Variants in TBX15 observed in about 807,000 individuals in gnomAD.
TBX15 encodes T-box transcription factor TBX15.
TBX15 carries 18 observed loss-of-function variants against 53.9 expected under a neutral mutation model. The ratio of observed to expected loss-of-function variants is 0.33; its 90% CI spans 0.23 to 0.49. TBX15 has a LOEUF of 0.49. Ranked by LOEUF, TBX15 falls within the 20% of genes least tolerant of loss-of-function variation. The pLI is 0.98. For synonymous variants in TBX15, 295 were observed against 278.0 expected (o/e 1.06, Z -0.61); for missense variants, 692 against 749.5 (o/e 0.92, Z 0.90).
At chr1:118,965,233 G>A (rs1349025276) in intron 1 of TBX15, among the ~76,000 whole-genome samples, 1 of 152,188 alleles carries the variant, frequency 6.6e-6, no homozygotes, top group Non-Finnish European at 1.5e-5. Context: ...AGGGAAGCCT[G>A]AGATATCAAA....
Position 118,987,975 on chromosome 1 carries a change from G to T in TBX15, c.-180C>A. 1 of 764,010 alleles carries T rather than the reference G, an allele frequency of 1.3e-6. No individual in the cohort carries two copies. The highest frequency in any genetic ancestry group is 2.1e-6 in the Non-Finnish European group (1 of 486,770). 47.3% of individuals were successfully genotyped at this position (764,010 alleles called of 1,614,324 possible). On this transcript the variant is annotated 5_prime_UTR_variant, in exon 1 of 8. Coordinates refer to ENST00000369429, the MANE Select transcript of TBX15 (RefSeq NM_001330677.2). ...CCTGCGTCCTCCTCCGCCCTCCTCT[G>T]CCGGATCCGACCTGCGCCCCTACGC... is the stretch of plus-strand genomic sequence containing the variant.
rs549697147 is a variant in TBX15, at chr1:118,943,124, C to T, written c.206-11292G>A. On this transcript the variant is annotated intron_variant, in intron 1 of 7. Coordinates refer to ENST00000369429, the MANE Select transcript of TBX15 (RefSeq NM_001330677.2). ...GATACCATGTGTCTCAGTGAAGCCCCTGGCGCACAATAGGAATATACTTAA... is the reference window on the plus strand; with the variant it reads ...GATACCATGTGTCTCAGTGAAGCCCTTGGCGCACAATAGGAATATACTTAA... Among the ~76,000 whole-genome samples the T allele has an allele frequency of 3.9e-5, 6 of 152,304 alleles. No homozygotes were observed. In the East Asian group the frequency reaches 1.2e-3, roughly 29 times the overall value.
intron 1 of TBX15, among the ~76,000 whole-genome samples, chr1:118,933,642 G>A (rs1306771631): frequency 6.6e-6 from 1 of 151,976 alleles, no homozygotes; most frequent in Non-Finnish European, 1.5e-5. Context: ...TGATTCTATA[G>A]GCCTTTCAGT....
chr1:118,967,415 T>A (rs1657066452), intron 1 of TBX15, among the ~76,000 whole-genome samples: 1 of 152,180 alleles, frequency 6.6e-6, no homozygotes, highest in Non-Finnish European at 1.5e-5. Flanking sequence ...AGCAGCATAA[T>A]TAGGCAATAT....
chr1:118,902,070 C>T (rs957810024), intron 6 of TBX15, among the ~76,000 whole-genome samples: 13 of 151,958 alleles, frequency 8.6e-5, no homozygotes, highest in African/African-American at 3.1e-4. Context: ...TCCTACATAG[C>T]ATATATATAA....
intron 7 of TBX15, among the ~76,000 whole-genome samples, chr1:118,887,477 C>T (rs1017046928): frequency 6.6e-6 from 1 of 152,114 alleles, no homozygotes; most frequent in African/African-American, 2.4e-5. Context: ...GAGTTCAAAA[C>T]CAGCCTGGCC....
chr1:118,926,152 C>G (rs1345973335), intron 3 of TBX15, among the ~76,000 whole-genome samples: 1 of 152,184 alleles, frequency 6.6e-6, no homozygotes, highest in Non-Finnish European at 1.5e-5. Flanking sequence ...TGTTCCACCT[C>G]TCCTTCCTCT....
At chr1:118,976,047 T>C (rs1306892011) in intron 1 of TBX15, among the ~76,000 whole-genome samples, 1 of 152,080 alleles carries the variant, frequency 6.6e-6, no homozygotes, top group Non-Finnish European at 1.5e-5. Context: ...CAGGAAATAA[T>C]ATAAACAAAG....
chr1:118,931,742 G>T lies in TBX15; in HGVS notation c.296C>A (p.Ala99Asp), dbSNP rs1655788991. The change falls in exon 2 of 8, where the codon GCT (alanine) becomes GAT (aspartate). Residue 99 changes from alanine to aspartate, a missense_variant. Transcript: ENST00000369429. ...CATGGCAGCAGGCACAGGGCCTGCA[G>T]CACCAGAGGCCAGGTCAGTGTGAGT... The part of the protein sequence containing the change: ...FSTHTDLASG[A>D]AGPVPAAMSS... 1 of 1,613,646 alleles carries T rather than the reference G, an allele frequency of 6.2e-7. No homozygotes were observed. The highest frequency in any genetic ancestry group is 1.3e-5 in the African/African-American group (1 of 74,926).
At position 118,923,479 on chromosome 1, in the gene TBX15, G is replaced by C; in HGVS notation, c.818C>G (p.Pro273Arg). 6.2e-7 allele frequency: 1 copy of C among 1,613,938 alleles called. No homozygotes were observed. The highest frequency in any genetic ancestry group is 1.1e-5 in the South Asian group (1 of 91,076). The change falls in exon 5 of 8, where the codon CCT becomes CGT. Residue 273 changes from proline (P) to arginine (R), a missense_variant. Physicochemically the swap from Pro to Arg is moderately radical, Grantham distance 103. Coordinates refer to ENST00000369429, the MANE Select transcript of TBX15 (RefSeq NM_001330677.2). ...VGDGVKTFNFPETVFTTVTAY... is the reference protein window; with the variant it reads ...VGDGVKTFNFRETVFTTVTAY... ...CGTAACTGTGGTGAACACAGTCTCA[G>C]GAAAGTTGAACGTTTTCACCCCATC... is the stretch of plus-strand genomic sequence containing the variant.
chr1:118,904,911 T>C (rs1654761331), intron 6 of TBX15, among the ~76,000 whole-genome samples: 1 of 152,204 alleles, frequency 6.6e-6, no homozygotes, highest in Non-Finnish European at 1.5e-5. Context: ...CCAAGTTATA[T>C]AACCTCTTCA....
chr1:118,926,429 A>T, intron 3 of TBX15, 81 bp downstream of exon 3: 1 of 1,264,790 alleles, frequency 7.9e-7, no homozygotes, highest in Non-Finnish European at 1.1e-6. Context: ...GCATTGCTAA[A>T]CTATTTCCTC....
chr1:118,947,101 T>C (rs2101648204), intron 1 of TBX15, among the ~76,000 whole-genome samples: 1 of 152,324 alleles, frequency 6.6e-6, no homozygotes, highest in East Asian at 1.9e-4. Context: ...TCTAAGGCAA[T>C]GTCTGCATCT....
intron 1 of TBX15, among the ~76,000 whole-genome samples, chr1:118,955,816 G>A (rs1479765100): frequency 1.3e-5 from 2 of 152,172 alleles, no homozygotes; most frequent in African/African-American, 4.8e-5. Flanking sequence ...TCTTCCCTAT[G>A]TGTGCCTCAT....
chr1:118,913,986 T>C, intron 6 of TBX15, 129 bp downstream of exon 6: 1 of 882,146 alleles, frequency 1.1e-6, no homozygotes. Flanking sequence ...CCATTTCTCT[T>C]TGCCGAAGTG....
Position 118,987,817 on chromosome 1 carries a change from C to T in TBX15, c.-22G>A, listed in dbSNP as rs1381697007. 3.2e-6 allele frequency: 5 copies of T among 1,546,834 alleles called. No individual in the cohort carries two copies. Among genetic ancestry groups the T allele is most frequent in the Non-Finnish European group, 4.4e-6 (5 of 1,145,468 alleles). The stretch of plus-strand genomic sequence containing the variant: ...TCATTTTAGCCGCCCACACCCCTGC[C>T]TCCGCTTGCCCCCGCTACCGAGGGA... On this transcript the variant is annotated 5_prime_UTR_variant, in exon 1 of 8. Coordinates refer to ENST00000369429, the MANE Select transcript of TBX15 (RefSeq NM_001330677.2).
intron 6 of TBX15, among the ~76,000 whole-genome samples, chr1:118,911,131 C>T (rs577085452): frequency 2.0e-5 from 3 of 152,142 alleles, no homozygotes; most frequent in Non-Finnish European, 2.9e-5. Context: ...CAGGCAGAGT[C>T]GGTTTTAATA....
intron 7 of TBX15, among the ~76,000 whole-genome samples, chr1:118,889,705 A>G (rs1472348529): frequency 6.6e-6 from 1 of 152,246 alleles, no homozygotes; most frequent in East Asian, 1.9e-4. Flanking sequence ...AGGAATTGCC[A>G]ATATCTATTT....
chr1:118,924,742 G>A lies in TBX15; in HGVS notation c.597C>T (p.His199=). Residue 199 remains histidine (H), a synonymous_variant, in exon 4 of 8, where the codon CAC becomes CAT. Coordinates refer to ENST00000369429, the MANE Select transcript of TBX15 (RefSeq NM_001330677.2). ...DSPVPPRVYI[H]PDSLASGDTW... ...TGTCTCCAGAAGCTAGAGAATCAGG[G>A]TGTATATAAACTCTTGGGGGCACAG... 1 of 1,614,042 alleles carries A rather than the reference G, an allele frequency of 6.2e-7. No individual in the cohort carries two copies. Among genetic ancestry groups the A allele is most frequent in the Non-Finnish European group, 8.5e-7 (1 of 1,179,994 alleles).
Sources: gnomAD v4.1 joint callset for allele counts (sites outside exome capture counted in the v4.1 genomes callset) on GRCh38, gnomAD v4.1.1 for gene constraint, MANE v1.5 for transcripts, NCBI Gene and HGNC (gene_info 2026-07-23, HGNC 2026-07-21) for gene names.